SCRT1: variants seen among roughly 807,000 people sequenced by gnomAD.
SCRT1 encodes scratch family transcriptional repressor 1.
SCRT1 carries 1 observed loss-of-function variant against 3.4 expected under a neutral mutation model. The ratio of observed to expected loss-of-function variants is 0.29; its 90% CI spans 0.10 to 1.39. The LOEUF is 1.39. Ranked by LOEUF, SCRT1 falls within the 40% of genes most tolerant of loss-of-function variation. SCRT1 has a pLI of 0.42. For missense variants in SCRT1, 380 were observed against 526.3 expected, an observed-to-expected ratio of 0.72 and a Z score of 2.72; for synonymous variants, 238 against 247.0, an observed-to-expected ratio of 0.96 and a Z score of 0.34.
In SCRT1 at chr8:144,334,105, C is replaced by A; in HGVS notation, c.127G>T (p.Asp43Tyr). The stretch of plus-strand genomic sequence containing the variant: ...TAGACGGACGAGGGCCCCACGTAGT[C>A]GCTGAGGTACCCTGCGGGCGGAGGC... ...APLHDKGYLS[D>Y]YVGPSSVYDG... is the part of the protein sequence containing the mutation. The change falls in exon 2 of 2, where the codon GAC becomes TAC. Residue 43 changes from aspartate to tyrosine, a missense_variant. Physicochemically the swap from Asp to Tyr is radical, Grantham distance 160 (BLOSUM62 -3). Transcript: ENST00000569446. 7.3e-7 allele frequency: 1 copy of A among 1,363,444 alleles called. No homozygotes were observed. Among genetic ancestry groups the A allele is most frequent in the East Asian group, 4.2e-5 (1 of 23,682 alleles). 84.5% of individuals were successfully genotyped at this position (1,363,444 alleles called of 1,614,324 possible).
In SCRT1 at chr8:144,333,701, C is replaced by T. The variant is rs1817837111; in HGVS notation, c.531G>A (p.Glu177=). 1.5e-6 allele frequency: 2 copies of T among 1,354,026 alleles called. No individual in the cohort carries two copies. Among genetic ancestry groups the T allele is most frequent in the South Asian group, 3.4e-5 (2 of 59,390 alleles). The allele number at this position is 1,354,026 out of a possible 1,614,324, so 83.9% of individuals were successfully genotyped here. ...RGGTRAGAGT[E]ARAGPGAAGA... is the part of the protein sequence containing the mutation. ...CTGCGGCCCCTGGCCCCGCGCGCGC[C>T]TCGGTGCCTGCCCCCGCGCGCGTGC... The change falls in exon 2 of 2, where the codon GAG becomes GAA. Residue 177 remains glutamate (E), a synonymous_variant. Coordinates refer to ENST00000569446, the MANE Select transcript of SCRT1 (RefSeq NM_031309.6).
chr8:144,335,969 C>G lies in SCRT1; in HGVS notation c.115+86G>C. 2.2e-6 allele frequency: 2 copies of G among 906,654 alleles called. No individual in the cohort carries two copies. The highest frequency in any genetic ancestry group is 6.0e-5 in the East Asian group (2 of 33,092). 56.2% of individuals were successfully genotyped at this position (906,654 alleles called of 1,614,324 possible). A position where few individuals can be genotyped will look rare whatever the true frequency, so the allele number is the denominator to read the frequency against. The stretch of plus-strand genomic sequence containing the variant: ...GTTCCCTTCAGTCTGTTTCCCCGGG[C>G]CCTGCCCTCCGCCCCCACACTCTGG... On this transcript the variant is annotated intron_variant, in intron 1 of 1. Coordinates refer to ENST00000569446, the MANE Select transcript of SCRT1 (RefSeq NM_031309.6). The surrounding 1 kb of genome is among the most constrained non-coding windows in gnomAD (Gnocchi z 7.7).
rs559030485 is a variant in SCRT1 at position 144,331,769 on chromosome 8, G to A, written c.*1416C>T. On this transcript the variant is annotated 3_prime_UTR_variant, in exon 2 of 2. Coordinates refer to ENST00000569446, the MANE Select transcript of SCRT1 (RefSeq NM_031309.6). ...AGCGTCCCTGATCTAGGGGCCTATG[G>A]GGTGGGTAGGGCGAGGGGATACCTG... 3.3e-5 allele frequency: 5 copies of A among 152,672 alleles called. No individual in the cohort carries two copies. The highest frequency in any genetic ancestry group is 7.3e-5 in the Non-Finnish European group (5 of 68,048). The allele number at this position is 152,672 out of a possible 1,614,324, so 9.5% of individuals were successfully genotyped here. A position where few individuals can be genotyped will look rare whatever the true frequency, so the allele number is the denominator to read the frequency against.
rs530318509 is a variant in SCRT1, at chr8:144,332,636, C to T, written c.*549G>A. The T allele has an allele frequency of 1.8e-3, 278 of 152,724 alleles. 1 individual carries two copies. The highest frequency in any genetic ancestry group is 6.8e-3 in the Middle Eastern group (2 of 294). The allele number at this position is 152,724 out of a possible 1,614,324, so 9.5% of individuals were successfully genotyped here. A position where few individuals can be genotyped will look rare whatever the true frequency, so the allele number is the denominator to read the frequency against. On this transcript the variant is annotated 3_prime_UTR_variant, in exon 2 of 2. Transcript: ENST00000569446. ...GCCGTCCGCCCCTCTCCCCGACCCA[C>T]AACGCGTCTAACACTGCCGGGAGTT...
chr8:144,331,450 G>A lies in SCRT1; in HGVS notation c.*1735C>T, dbSNP rs1217777903. The stretch of plus-strand genomic sequence containing the variant: ...GTGGGGAGGAGTGTAGGGGGCATGT[G>A]AACCTAGGGACCTGGTCTCTCTGCA... On this transcript the variant is annotated 3_prime_UTR_variant, in exon 2 of 2. Coordinates refer to ENST00000569446, the MANE Select transcript of SCRT1 (RefSeq NM_031309.6). 6.6e-6 allele frequency: 1 copy of A among 152,442 alleles called. No homozygotes were observed. Among genetic ancestry groups the A allele is most frequent in the African/African-American group, 2.4e-5 (1 of 41,442 alleles). 9.4% of individuals were successfully genotyped at this position (152,442 alleles called of 1,614,324 possible). A position where few individuals can be genotyped will look rare whatever the true frequency, so the allele number is the denominator to read the frequency against.
At position 144,336,238 on chromosome 8, in the gene SCRT1, C is replaced by T. The variant is rs1239786453; in HGVS notation, c.-69G>A. The T allele has an allele frequency of 2.5e-6, 3 of 1,199,544 alleles. No homozygotes were observed. Among genetic ancestry groups the T allele is most frequent in the East Asian group, 2.7e-5 (1 of 36,506 alleles). The allele number at this position is 1,199,544 out of a possible 1,614,324, so 74.3% of individuals were successfully genotyped here. A position where few individuals can be genotyped will look rare whatever the true frequency, so the allele number is the denominator to read the frequency against. ...CTTGGGGGGGCTGCGGCGGCAGGGC[C>T]CCGTCACCATCCGAGGAGCGGCGGA... is the stretch of plus-strand genomic sequence containing the variant. On this transcript the variant is annotated 5_prime_UTR_variant, in exon 1 of 2. Transcript: ENST00000569446. This position sits in a 1 kb window ranked among gnomAD's most constrained non-coding sequence, Gnocchi z 6.8.
Position 144,336,164 on chromosome 8 carries a change from G to C in SCRT1, c.6C>G (p.Pro2=). Residue 2 remains proline, a synonymous_variant, in exon 1 of 2, where the codon CCC becomes CCG. Coordinates refer to ENST00000569446, the MANE Select transcript of SCRT1 (RefSeq NM_031309.6). This position sits in a 1 kb window ranked among gnomAD's most constrained non-coding sequence, Gnocchi z 6.8. The part of the protein sequence containing the change: M[P]RSFLVKKVKL... ...TGACCTTCTTGACCAGGAAGGACCT[G>C]GGCATGATTCCTGCGGGGCTCCGGC... The C allele has an allele frequency of 6.3e-7, 1 of 1,597,590 alleles. No individual in the cohort carries two copies.
rs1817877078 is a variant in SCRT1, at chr8:144,335,584, G to C, written c.115+471C>G. On this transcript the variant is annotated intron_variant, in intron 1 of 1. Transcript: ENST00000569446. This position sits in a 1 kb window ranked among gnomAD's most constrained non-coding sequence, Gnocchi z 7.7. Reference sequence around the variant, plus strand: ...GCTGGCCCTCTGCTCTGACAGGTGGGCGGCCCTGTTGGACCCCCTGCCTAC... The same window carrying C: ...GCTGGCCCTCTGCTCTGACAGGTGGCCGGCCCTGTTGGACCCCCTGCCTAC... Among the ~76,000 whole-genome samples, 1 of 152,196 alleles carries C rather than the reference G, an allele frequency of 6.6e-6. No individual in the cohort carries two copies. Among genetic ancestry groups the C allele is most frequent in the Admixed American group, 6.5e-5 (1 of 15,288 alleles).
Position 144,333,538 on chromosome 8 carries a change from C to T in SCRT1, c.694G>A (p.Val232Met), listed in dbSNP as rs1554849887. 1 of 1,607,954 alleles carries T rather than the reference C, an allele frequency of 6.2e-7. No individual in the cohort carries two copies. Among genetic ancestry groups the T allele is most frequent in the Non-Finnish European group, 8.5e-7 (1 of 1,178,466 alleles). ...RRCPTCGKVY[V>M]SMPAMAMHLL... ...TGCATGGCCATGGCCGGCATGGACACGTACACCTTGCCGCACGTCGGGCAG... is the reference window on the plus strand; with the variant it reads ...TGCATGGCCATGGCCGGCATGGACATGTACACCTTGCCGCACGTCGGGCAG... The change falls in exon 2 of 2, where the codon GTG becomes ATG. Residue 232 changes from valine (V) to methionine (M), a missense_variant. Physicochemically the swap from Val to Met is conservative, Grantham distance 21. This residue lies in a region of SCRT1 where 56 missense variants were observed against 169.3 expected (regional missense o/e 0.33). Transcript: ENST00000569446.
In SCRT1 at chr8:144,333,782, T is replaced by C. The variant is rs1297936100; in HGVS notation, c.450A>G (p.Gly150=). ...TGCGCCCGCCCGCCCCGCCCCCGCC[T>C]CCGGCGTCGCCGTCGGGGGCCGCCG... is the stretch of plus-strand genomic sequence containing the variant. ...ASAAAPDGDA[G]GGGGAGGRSL... The change falls in exon 2 of 2, where the codon GGA becomes GGG. Residue 150 remains glycine, a synonymous_variant. Transcript: ENST00000569446. 1.8e-5 allele frequency: 22 copies of C among 1,201,554 alleles called. No homozygotes were observed. Among genetic ancestry groups the C allele is most frequent in the Non-Finnish European group, 2.1e-5 (20 of 969,410 alleles). 74.4% of individuals were successfully genotyped at this position (1,201,554 alleles called of 1,614,324 possible). A position where few individuals can be genotyped will look rare whatever the true frequency, so the allele number is the denominator to read the frequency against.
Position 144,333,073 on chromosome 8 carries a change from A to G in SCRT1, c.*112T>C. 3 of 932,534 alleles carry G rather than the reference A, an allele frequency of 3.2e-6. No homozygotes were observed. Among genetic ancestry groups the G allele is most frequent in the Non-Finnish European group, 1.5e-6 (1 of 649,502 alleles). 57.8% of individuals were successfully genotyped at this position (932,534 alleles called of 1,614,324 possible). On this transcript the variant is annotated 3_prime_UTR_variant, in exon 2 of 2. Transcript: ENST00000569446. ...GGTGGGACCGGGCCCCCCTCCCCCT[A>G]TTGCTGTGAGGAGGGGCCCGCCCTC...
At position 144,332,845 on chromosome 8, in the gene SCRT1, G is replaced by GA. The variant is rs1448785168; in HGVS notation, c.*339dup. The GA allele has an allele frequency of 5.7e-5, 14 of 245,166 alleles. No individual in the cohort carries two copies. The highest frequency in any genetic ancestry group is 2.2e-4 in the African/African-American group (10 of 44,540). 15.2% of individuals were successfully genotyped at this position (245,166 alleles called of 1,614,324 possible). ...GCGATCCAGGGGCGCAGAGGCGGGAGAAGGAGGGCGCTCCCTACCTCACCT... is the reference window on the plus strand; with the variant it reads ...GCGATCCAGGGGCGCAGAGGCGGGAGAAAGGAGGGCGCTCCCTACCTCACCT... On this transcript the variant is annotated 3_prime_UTR_variant, in exon 2 of 2. Transcript: ENST00000569446.
Position 144,331,989 on chromosome 8 carries a change from C to T in SCRT1, c.*1196G>A, listed in dbSNP as rs1213397980. 1.4e-5 allele frequency: 2 copies of T among 145,824 alleles called. No homozygotes were observed. Among genetic ancestry groups the T allele is most frequent in the Middle Eastern group, 3.8e-3 (1 of 262 alleles). The allele number at this position is 145,824 out of a possible 1,614,324, so 9.0% of individuals were successfully genotyped here. A position where few individuals can be genotyped will look rare whatever the true frequency, so the allele number is the denominator to read the frequency against. The stretch of plus-strand genomic sequence containing the variant: ...CGGGCCCTTGGGGCGGGGTCGCCGC[C>T]GAGGCTTTGGCATAGACGGGCGAAA... On this transcript the variant is annotated 3_prime_UTR_variant, in exon 2 of 2. Transcript: ENST00000569446.
chr8:144,334,000 C>T lies in SCRT1; in HGVS notation c.232G>A (p.Gly78Ser). 2.1e-6 allele frequency: 3 copies of T among 1,452,586 alleles called. No homozygotes were observed. Among genetic ancestry groups the T allele is most frequent in the Non-Finnish European group, 2.7e-6 (3 of 1,103,194 alleles). 90.0% of individuals were successfully genotyped at this position (1,452,586 alleles called of 1,614,324 possible). Reference sequence around the variant, plus strand: ...GGCGCAGACCCTGCAGCCGCCGGACCCAGCTCTCCACGCACAGCTGCTGCG... The same window carrying T: ...GGCGCAGACCCTGCAGCCGCCGGACTCAGCTCTCCACGCACAGCTGCTGCG... ...MYAAAVRGEL[G>S]PAAAGSAPPP... Residue 78 changes from glycine (G) to serine (S), a missense_variant, in exon 2 of 2, where the codon GGT (glycine) becomes AGT (serine). Coordinates refer to ENST00000569446, the MANE Select transcript of SCRT1 (RefSeq NM_031309.6).
Position 144,332,956 on chromosome 8 carries a change from C to A in SCRT1, c.*229G>T, listed in dbSNP as rs1248880740. 4.0e-6 allele frequency: 2 copies of A among 495,592 alleles called. No individual in the cohort carries two copies. The highest frequency in any genetic ancestry group is 7.1e-6 in the Non-Finnish European group (2 of 283,092). The allele number at this position is 495,592 out of a possible 1,614,324, so 30.7% of individuals were successfully genotyped here. A position where few individuals can be genotyped will look rare whatever the true frequency, so the allele number is the denominator to read the frequency against. On this transcript the variant is annotated 3_prime_UTR_variant, in exon 2 of 2. Coordinates refer to ENST00000569446, the MANE Select transcript of SCRT1 (RefSeq NM_031309.6). Reference sequence around the variant, plus strand: ...TATTGCTGGGAGAAAGCCGGGGGCACCCTGGAGGGGAGGGGAGGGGGCTCG... The same window carrying A: ...TATTGCTGGGAGAAAGCCGGGGGCAACCTGGAGGGGAGGGGAGGGGGCTCG...
Position 144,333,690 on chromosome 8 carries a change from C to A in SCRT1, c.542G>T (p.Gly181Val), listed in dbSNP as rs1817836610. Residue 181 changes from glycine (G) to valine (V), a missense_variant, in exon 2 of 2, where the codon GGG (glycine) becomes GTG (valine). By Grantham distance (109) the Gly-to-Val change is moderately radical (BLOSUM62 -3). Around this residue, in one of 5 missense-constraint regions of SCRT1, gnomAD observed 115 missense variants for 107.3 expected, o/e 1.07. Coordinates refer to ENST00000569446, the MANE Select transcript of SCRT1 (RefSeq NM_031309.6). ...RAGAGTEARA[G>V]PGAAGAGGRH... is the part of the protein sequence containing the mutation. ...GCCGCCAGCACCTGCGGCCCCTGGC[C>A]CCGCGCGCGCCTCGGTGCCTGCCCC... 7.1e-7 allele frequency: 1 copy of A among 1,418,292 alleles called. No individual in the cohort carries two copies. The highest frequency in any genetic ancestry group is 9.1e-7 in the Non-Finnish European group (1 of 1,093,614). The allele number at this position is 1,418,292 out of a possible 1,614,324, so 87.9% of individuals were successfully genotyped here. A position where few individuals can be genotyped will look rare whatever the true frequency, so the allele number is the denominator to read the frequency against.
chr8:144,336,371 C>CTCCTTCCTTCAATCCTTCCT lies in SCRT1; in HGVS notation c.-222_-203dup, dbSNP rs1488968905. The CTCCTTCCTTCAATCCTTCCT allele has an allele frequency of 7.9e-6, 4 of 508,902 alleles. No individual in the cohort carries two copies. The highest frequency in any genetic ancestry group is 2.4e-5 in the South Asian group (1 of 41,060). The allele number at this position is 508,902 out of a possible 1,614,324, so 31.5% of individuals were successfully genotyped here. On this transcript the variant is annotated 5_prime_UTR_variant, in exon 1 of 2. Transcript: ENST00000569446. This position sits in a 1 kb window ranked among gnomAD's most constrained non-coding sequence, Gnocchi z 6.8. ...TTGCCCCTCCGGATCCCTCTTCTTC[C>CTCCTTCCTTCAATCCTTCCT]TCCTTCCTTCAATCCTTCCTTCCTT...
In SCRT1 at chr8:144,333,193, G is replaced by A. The variant is rs1554849804; in HGVS notation, c.1039C>T (p.Gln347Ter). ...GGGGAGGCCCCGCCGCCCTAGGCCT[G>A]CACAGGGCTGAGCTGTGGCGGCGCA... ...APAPPQLSPVQA is the reference protein window; with the variant it reads ...APAPPQLSPV The change falls in exon 2 of 2, where the codon CAG (glutamine) becomes TAG (stop). Residue 347 changes from glutamine (Q) to a stop codon, truncating the protein, a stop_gained. Transcript: ENST00000569446. LOFTEE classifies it high-confidence loss of function. The A allele has an allele frequency of 6.4e-7, 1 of 1,564,858 alleles. No individual in the cohort carries two copies. Among genetic ancestry groups the A allele is most frequent in the Non-Finnish European group, 8.6e-7 (1 of 1,158,140 alleles).
At position 144,333,070 on chromosome 8, in the gene SCRT1, C is replaced by T; in HGVS notation, c.*115G>A. ...CGGGGTGGGACCGGGCCCCCCTCCC[C>T]CTATTGCTGTGAGGAGGGGCCCGCC... On this transcript the variant is annotated 3_prime_UTR_variant, in exon 2 of 2. Coordinates refer to ENST00000569446, the MANE Select transcript of SCRT1 (RefSeq NM_031309.6). The T allele has an allele frequency of 1.1e-6, 1 of 915,294 alleles. No homozygotes were observed. Among genetic ancestry groups the T allele is most frequent in the Non-Finnish European group, 1.6e-6 (1 of 634,422 alleles). The allele number at this position is 915,294 out of a possible 1,614,324, so 56.7% of individuals were successfully genotyped here. A position where few individuals can be genotyped will look rare whatever the true frequency, so the allele number is the denominator to read the frequency against.
Sources: allele counts gnomAD v4.1 joint callset (sites outside exome capture counted in the v4.1 genomes callset), GRCh38; gene constraint gnomAD v4.1.1; regional missense constraint gnomAD v4.1.1; non-coding constraint Gnocchi (gnomAD v3.1); transcripts MANE v1.5; gene names NCBI Gene and HGNC (gene_info 2026-07-23, HGNC 2026-07-21).